The following ERC1 variants were observed in gnomAD, a reference collection of about 807,000 sequenced individuals.
The protein encoded by ERC1 is ELKS/RAB6-interacting/CAST family member 1.
Under a neutral mutation model 132.0 loss-of-function variants are expected in ERC1, and 56 were observed. The observed-to-expected ratio is 0.42, with a 90% CI of 0.34 to 0.53. ERC1 has a LOEUF of 0.53. ERC1 is among the 20% of genes least tolerant of loss of function. The pLI is 0.03. For missense variants in ERC1, 1,202 were observed against 1,349.9 expected (o/e 0.89, Z 1.72); for synonymous variants, 478 against 476.1 (o/e 1.00, Z -0.05).
intron 12 of ERC1, among the ~76,000 whole-genome samples, chr12:1,221,653 A>G (rs1158625921): frequency 1.3e-5 from 2 of 152,214 alleles, no homozygotes; most frequent in Non-Finnish European, 2.9e-5. Flanking sequence ...AATAGTCAAA[A>G]GCATTTTAAT....
upstream of ERC1, chr12:990,547 C>T (rs1959171570): frequency 6.6e-6 from 1 of 152,272 alleles, no homozygotes; most frequent in Non-Finnish European, 1.5e-5. Flanking sequence ...ACGCTCCCCG[C>T]GTCCTGGCGG....
At chr12:1,271,018 G>A (rs1199620347) in intron 14 of ERC1, among the ~76,000 whole-genome samples, 1 of 151,876 alleles carries the variant, frequency 6.6e-6, no homozygotes, top group East Asian at 1.9e-4. Flanking sequence ...AAAAAGTGAT[G>A]CTTTTTTAAA....
At chr12:1,260,965 T>A (rs911791049) in intron 13 of ERC1, among the ~76,000 whole-genome samples, 5 of 152,248 alleles carry the variant, frequency 3.3e-5, no homozygotes, top group African/African-American at 1.2e-4. Context: ...TAAATAAGGC[T>A]GTGAACACTG....
In ERC1 at chr12:1,138,158, A is replaced by G. The variant is rs1593615154; in HGVS notation, c.1570-3462A>G. 3.4e-5 allele frequency among the ~76,000 whole-genome samples: 3 copies of G among 88,054 alleles called. No homozygotes were observed. The South Asian group carries it at 8.1e-4, about 24-fold the overall frequency. The allele number at this position is 88,054 out of a possible 152,430, so 57.8% of individuals were successfully genotyped here. On this transcript the variant is annotated intron_variant, in intron 7 of 18. Transcript: ENST00000360905. ...ATAATATAATTATATTTATTTACATAATATATATAATTGTATATAATATAT... is the reference window on the plus strand; with the variant it reads ...ATAATATAATTATATTTATTTACATGATATATATAATTGTATATAATATAT...
intron 14 of ERC1, among the ~76,000 whole-genome samples, chr12:1,271,631 G>A (rs2077861847): frequency 6.6e-6 from 1 of 152,134 alleles, no homozygotes. Context: ...CATGATTATA[G>A]CACACTATGG....
chr12:1,092,189 A>G (rs1273720484), intron 3 of ERC1, among the ~76,000 whole-genome samples: 9 of 151,960 alleles, frequency 5.9e-5, no homozygotes, highest in Non-Finnish European at 1.3e-4. Context: ...AGTAGAGACG[A>G]GGTTTCACCA....
At chr12:1,154,255 A>ATATGTATATGTATATGTG (rs1555273213) in intron 8 of ERC1, among the ~76,000 whole-genome samples, 1 of 147,886 alleles carries the variant, frequency 6.8e-6, no homozygotes, top group African/African-American at 2.5e-5. Flanking sequence ...ATGTATATGT[A>ATATGTATATGTATATGTG]TATGTGTATA....
At chr12:1,391,669 A>G (rs1349892217) in intron 16 of ERC1, among the ~76,000 whole-genome samples, 4 of 152,208 alleles carry the variant, frequency 2.6e-5, no homozygotes, top group African/African-American at 4.8e-5. Flanking sequence ...CCTGGTGAGC[A>G]TGGGGCCCGC....
At chr12:1,210,720 G>T (rs1464889613) in intron 12 of ERC1, among the ~76,000 whole-genome samples, 1 of 152,180 alleles carries the variant, frequency 6.6e-6, no homozygotes, top group Non-Finnish European at 1.5e-5. Context: ...CTAGGGCTGG[G>T]CATGGTGGCT....
rs1010486588 is a variant in ERC1 at position 1,491,482 on chromosome 12, G to A, written c.*1252G>A. On this transcript the variant is annotated 3_prime_UTR_variant, in exon 19 of 19. Coordinates refer to ENST00000360905, the MANE Select transcript of ERC1 (RefSeq NM_178040.4). ...CACTTCTCAGTGAGGGAGAGATGTAGTGGATTCTGTGAGACATACCTGCTG... is the reference window on the plus strand; with the variant it reads ...CACTTCTCAGTGAGGGAGAGATGTAATGGATTCTGTGAGACATACCTGCTG... 8.7e-6 allele frequency: 2 copies of A among 230,420 alleles called. No homozygotes were observed. The highest frequency in any genetic ancestry group is 2.2e-5 in the African/African-American group (1 of 45,170). 14.3% of individuals were successfully genotyped at this position (230,420 alleles called of 1,614,324 possible). A position where few individuals can be genotyped will look rare whatever the true frequency, so the allele number is the denominator to read the frequency against.
At chr12:1,053,721 A>G (rs1972443114) in intron 2 of ERC1, among the ~76,000 whole-genome samples, 1 of 152,176 alleles carries the variant, frequency 6.6e-6, no homozygotes, top group African/African-American at 2.4e-5. Context: ...ATCTTCACTC[A>G]TTAACTAAAC....
chr12:1,061,712 C>T (rs1937954796), intron 2 of ERC1, among the ~76,000 whole-genome samples: 1 of 84,902 alleles, frequency 1.2e-5, no homozygotes, highest in African/African-American at 4.1e-5. Flanking sequence ...TCTCTCTCTC[C>T]CCCCCCATAT....
rs184713364 is a variant in ERC1, at chr12:1,268,634, C to T, written c.2619+5469C>T. Among the ~76,000 whole-genome samples the T allele has an allele frequency of 9.5e-4, 145 of 152,138 alleles. 1 individual carries two copies. Among genetic ancestry groups the T allele is most frequent in the African/African-American group, 3.3e-3 (139 of 41,504 alleles). ...TTAAAAAATTAGCCAGGTGTGGTGG[C>T]GGGTACCTGTAGTCACAGCTACTCG... On this transcript the variant is annotated intron_variant, in intron 14 of 18. Coordinates refer to ENST00000360905, the MANE Select transcript of ERC1 (RefSeq NM_178040.4).
At chr12:1,148,135 G>A (rs1950539913) in intron 8 of ERC1, among the ~76,000 whole-genome samples, 1 of 152,170 alleles carries the variant, frequency 6.6e-6, no homozygotes, top group South Asian at 2.1e-4. Flanking sequence ...TTCAAAGGTT[G>A]TTTGGAAGTA....
intron 2 of ERC1, among the ~76,000 whole-genome samples, chr12:1,051,241 A>G (rs1026469440): frequency 1.3e-5 from 2 of 152,222 alleles, no homozygotes; most frequent in African/African-American, 4.8e-5. Flanking sequence ...TGTGGGCTAC[A>G]ACCTGGACAT....
chr12:1,181,869 C>T, intron 9 of ERC1, 56 bp from the exon 10 acceptor site: 2 of 1,522,862 alleles, frequency 1.3e-6, no homozygotes, highest in East Asian at 2.3e-5. Flanking sequence ...AGCAGAATTA[C>T]AGTCATATAA....
At chr12:1,357,753 G>T (rs1006834817) in intron 15 of ERC1, among the ~76,000 whole-genome samples, 3 of 152,130 alleles carry the variant, frequency 2.0e-5, no homozygotes, top group African/African-American at 7.2e-5. Context: ...TGAGAGAAAA[G>T]GCCAATATAA....
rs572766287 is a variant in ERC1, at chr12:1,329,032, G to T, written c.2780+39020G>T. Among the ~76,000 whole-genome samples the T allele has an allele frequency of 4.2e-5, 6 of 141,438 alleles. 2 individuals are homozygous for T. The highest frequency in any genetic ancestry group is 6.1e-5 in the Non-Finnish European group (4 of 65,874). 92.8% of individuals were successfully genotyped at this position (141,438 alleles called of 152,430 possible). Reference sequence around the variant, plus strand: ...TTAGCGACCAGGCACGGTGGCTCACGCCTGTAATCCCAGCACTTTGGGAGG... The same window carrying T: ...TTAGCGACCAGGCACGGTGGCTCACTCCTGTAATCCCAGCACTTTGGGAGG... On this transcript the variant is annotated intron_variant, in intron 15 of 18. Transcript: ENST00000360905.
Position 1,428,489 on chromosome 12 carries a change from G to A in ERC1, c.3025-16073G>A, listed in dbSNP as rs531937629. Among the ~76,000 whole-genome samples the A allele has an allele frequency of 4.6e-5, 7 of 152,234 alleles. No individual in the cohort carries two copies. In the South Asian group the frequency reaches 1.5e-3, roughly 32 times the overall value. On this transcript the variant is annotated intron_variant, in intron 17 of 18. Coordinates refer to ENST00000360905, the MANE Select transcript of ERC1 (RefSeq NM_178040.4). ...CTTAGCTCCAGTAAATACCTAGTGT[G>A]CCTTCTAGAATGTTATATCATGAAG...
Sources: gnomAD v4.1 joint callset for allele counts (sites outside exome capture counted in the v4.1 genomes callset) on GRCh38, gnomAD v4.1.1 for gene constraint, MANE v1.5 for transcripts, NCBI Gene and HGNC (gene_info 2026-07-23, HGNC 2026-07-21) for gene names.